The following GBE1 variants were observed in gnomAD, a reference collection of about 807,000 sequenced individuals.
The protein encoded by GBE1 is 1,4-alpha-glucan-branching enzyme.
GBE1 carries 70 observed loss-of-function variants against 88.8 expected under a neutral mutation model. That is an observed-to-expected ratio of 0.79 (90% confidence interval 0.65 to 0.96). The LOEUF is 0.96. GBE1 is among the 40% of genes least tolerant of loss of function. The pLI, the probability that GBE1 is intolerant of heterozygous loss-of-function variation, is 0.00. For missense variants in GBE1, 872 were observed against 871.0 expected (o/e 1.00, Z -0.01); for synonymous variants, 284 against 300.1 (o/e 0.95, Z 0.56).
At chr3:81,671,827 AT>A (rs1705195166) in intron 2 of GBE1, among the ~76,000 whole-genome samples, 1 of 152,096 alleles carries the variant, frequency 6.6e-6, no homozygotes, top group South Asian at 2.1e-4. Flanking sequence ...CATTAAAACT[AT>A]AAACTTGTCA....
intron 10 of GBE1, among the ~76,000 whole-genome samples, chr3:81,582,839 C>A (rs1163798735): frequency 6.6e-6 from 1 of 151,774 alleles, no homozygotes; most frequent in Non-Finnish European, 1.5e-5. Flanking sequence ...AAACTTGATA[C>A]CAAAAGAGAG....
intron 1 of GBE1, among the ~76,000 whole-genome samples, chr3:81,711,230 G>A (rs1014579285): frequency 3.9e-5 from 6 of 152,128 alleles, no homozygotes; most frequent in African/African-American, 7.2e-5. Flanking sequence ...AGAAACACAC[G>A]AGGAAAACTC....
At chr3:81,565,936 A>G (rs534756682) in intron 12 of GBE1, among the ~76,000 whole-genome samples, 2 of 152,332 alleles carry the variant, frequency 1.3e-5, no homozygotes, top group East Asian at 3.9e-4. Flanking sequence ...ACAATATAAG[A>G]AAGGCAGAAA....
rs188793749 is a variant in GBE1 at position 81,761,596 on chromosome 3, C to T, written c.-79G>A. The T allele has an allele frequency of 9.3e-6, 14 of 1,505,414 alleles. No homozygotes were observed. The East Asian group carries it at 1.3e-4, about 14-fold the overall frequency. The allele number at this position is 1,505,414 out of a possible 1,614,324, so 93.3% of individuals were successfully genotyped here. On this transcript the variant is annotated 5_prime_UTR_variant, in exon 1 of 16. Coordinates refer to ENST00000429644, the MANE Select transcript of GBE1 (RefSeq NM_000158.4). ...GGGCGCTGGAGCTCTAGCTGGGACG[C>T]GGCGGCTAGGGCGGAGCCGGAGGGC...
chr3:81,549,806 A>C (rs1351334290), intron 12 of GBE1, among the ~76,000 whole-genome samples: 1 of 151,692 alleles, frequency 6.6e-6, no homozygotes, highest in Non-Finnish European at 1.5e-5. Context: ...CAAGTATAAT[A>C]AAGCAAATCA....
chr3:81,642,648 A>G (rs1704702142), intron 7 of GBE1, 133 bp downstream of exon 7: 7 of 646,820 alleles, frequency 1.1e-5, no homozygotes, highest in Non-Finnish European at 1.9e-5. Context: ...AATCCCCTGT[A>G]CAACAAAAAT....
At chr3:81,717,759 T>C (rs1705959659) in intron 1 of GBE1, among the ~76,000 whole-genome samples, 1 of 152,112 alleles carries the variant, frequency 6.6e-6, no homozygotes. Context: ...TGATTCTTAT[T>C]TGGGTGCTAA....
At chr3:81,632,583 T>G (rs559243198) in intron 7 of GBE1, among the ~76,000 whole-genome samples, 1 of 152,092 alleles carries the variant, frequency 6.6e-6, no homozygotes, top group East Asian at 1.9e-4. Context: ...TGTGGAGAAA[T>G]AGGAACGCTT....
At chr3:81,571,510 G>A (rs976998154) in intron 12 of GBE1, among the ~76,000 whole-genome samples, 1 of 152,148 alleles carries the variant, frequency 6.6e-6, no homozygotes, top group Non-Finnish European at 1.5e-5. Context: ...AATGAGAAAT[G>A]TGAATCATTT....
chr3:81,698,029 A>T (rs1705627009), intron 2 of GBE1, among the ~76,000 whole-genome samples: 1 of 147,622 alleles, frequency 6.8e-6, no homozygotes, highest in Non-Finnish European at 1.5e-5. Context: ...TTATATATAT[A>T]ATTTTATATA....
intron 1 of GBE1, among the ~76,000 whole-genome samples, chr3:81,722,176 T>C (rs1706043719): frequency 6.6e-6 from 1 of 152,190 alleles, no homozygotes; most frequent in Admixed American, 6.5e-5. Context: ...TTTCAAATTA[T>C]TAAGCACTGC....
At chr3:81,507,803 C>T (rs930957172) in intron 14 of GBE1, among the ~76,000 whole-genome samples, 2 of 151,892 alleles carry the variant, frequency 1.3e-5, no homozygotes, top group Non-Finnish European at 2.9e-5. Flanking sequence ...ACACTGTCTT[C>T]GTTAAAAGTT....
In GBE1 at chr3:81,649,894, T is replaced by G; in HGVS notation, c.457A>C (p.Ile153Leu). Residue 153 changes from isoleucine (I) to leucine (L), a missense_variant, in exon 4 of 16, where the codon ATC (isoleucine) becomes CTC (leucine). Ile to Leu is a conservative substitution (Grantham distance 5, BLOSUM62 2). Transcript: ENST00000429644. ...GCCCACGGTGAAATACGATACAAGA[T>G]CTCTCCGCTTTTACTAGTAATAACT... The part of the protein sequence containing the change: ...KVVITSKSGE[I>L]LYRISPWAKY... 2 of 1,609,502 alleles carry G rather than the reference T, an allele frequency of 1.2e-6. No individual in the cohort carries two copies. The highest frequency in any genetic ancestry group is 1.7e-6 in the Non-Finnish European group (2 of 1,176,586).
In GBE1 at chr3:81,649,784, T is replaced by G. The variant is rs1224325247; in HGVS notation, c.555+12A>C. 7.6e-6 allele frequency: 12 copies of G among 1,576,422 alleles called. No homozygotes were observed. The highest frequency in any genetic ancestry group is 1.7e-4 in the Middle Eastern group (1 of 5,948). ...TGGAACAATAATTTATTTAAAGATT[T>G]GTTGTTCTCACCTCATATGAGTGTT... is the stretch of plus-strand genomic sequence containing the variant. On this transcript the variant is annotated intron_variant, in intron 4 of 15. Coordinates refer to ENST00000429644, the MANE Select transcript of GBE1 (RefSeq NM_000158.4).
intron 12 of GBE1, among the ~76,000 whole-genome samples, chr3:81,552,545 A>C (rs1162529595): frequency 1.4e-5 from 2 of 146,436 alleles, no homozygotes; most frequent in African/African-American, 5.1e-5. Context: ...AAAAAAAAAA[A>C]AGAAGGCTGT....
At chr3:81,681,329 A>T (rs937024841) in intron 2 of GBE1, among the ~76,000 whole-genome samples, 3 of 152,168 alleles carry the variant, frequency 2.0e-5, no homozygotes, top group Non-Finnish European at 2.9e-5. Flanking sequence ...AGCACACTGT[A>T]GTTCCCTGTT....
At chr3:81,494,118 C>T (rs2106802646) in intron 15 of GBE1, among the ~76,000 whole-genome samples, 1 of 152,050 alleles carries the variant, frequency 6.6e-6, no homozygotes, top group Non-Finnish European at 1.5e-5. Flanking sequence ...TGTTAATTAC[C>T]AGAATGTGTT....
rs184914720 is a variant in GBE1, at chr3:81,634,947, T to A, written c.992+7834A>T. On this transcript the variant is annotated intron_variant, in intron 7 of 15. Transcript: ENST00000429644. Reference sequence around the variant, plus strand: ...AATGAAGGTATGACAGTAACCATCATGAATATCATAATCTCACAAAGGCAA... The same window carrying A: ...AATGAAGGTATGACAGTAACCATCAAGAATATCATAATCTCACAAAGGCAA... Among the ~76,000 whole-genome samples, 7 of 152,166 alleles carry A rather than the reference T, an allele frequency of 4.6e-5. No homozygotes were observed. The East Asian group carries it at 1.4e-3, about 30-fold the overall frequency.
chr3:81,652,206 GTCA>G (rs1192916707), intron 3 of GBE1, among the ~76,000 whole-genome samples: 1 of 152,224 alleles, frequency 6.6e-6, no homozygotes, highest in African/African-American at 2.4e-5. Context: ...AGCCATCTGG[GTCA>G]TATAGTGTCA....
Sources: gnomAD v4.1 joint callset for allele counts (sites outside exome capture counted in the v4.1 genomes callset) on GRCh38, gnomAD v4.1.1 for gene constraint, MANE v1.5 for transcripts, NCBI Gene and HGNC (gene_info 2026-07-23, HGNC 2026-07-21) for gene names.